The following GNAQ variants were observed in gnomAD, a reference collection of about 807,000 sequenced individuals.
The protein encoded by GNAQ is guanine nucleotide-binding protein G(q) subunit alpha.
GNAQ carries 8 observed loss-of-function variants against 43.9 expected under a neutral mutation model. The ratio of observed to expected loss-of-function variants is 0.18; its 90% CI spans 0.11 to 0.33. The LOEUF (loss-of-function observed/expected upper bound fraction) is 0.33. Ranked by LOEUF, GNAQ falls within the 10% of genes least tolerant of loss-of-function variation. The probability of loss-of-function intolerance (pLI) is 1.00; values close to 1 mark genes in which losing one functional copy is unlikely to be tolerated. For synonymous variants in GNAQ, 155 were observed against 170.7 expected (o/e 0.91, Z 0.71); for missense variants, 158 against 450.8 (o/e 0.35, Z 5.88).
chr9:77,871,133 C>T (rs1828034118), intron 2 of GNAQ, among the ~76,000 whole-genome samples: 1 of 152,172 alleles, frequency 6.6e-6, no homozygotes, highest in Non-Finnish European at 1.5e-5. Context: ...GTTAATTTAA[C>T]ATTTTTAAAG....
chr9:77,741,069 T>G (rs1167360634), intron 5 of GNAQ, among the ~76,000 whole-genome samples: 1 of 152,260 alleles, frequency 6.6e-6, no homozygotes, highest in Non-Finnish European at 1.5e-5. Context: ...TTACTTTGAT[T>G]TTTTTCAACC....
intron 2 of GNAQ, among the ~76,000 whole-genome samples, chr9:77,893,872 G>C (rs927012885): frequency 6.6e-6 from 1 of 152,124 alleles, no homozygotes; most frequent in Admixed American, 6.6e-5. Context: ...ATCCATTAGA[G>C]GTGAAGTCTG....
chr9:77,976,069 C>G (rs1823298114), intron 1 of GNAQ, among the ~76,000 whole-genome samples: 1 of 152,134 alleles, frequency 6.6e-6, no homozygotes, highest in Admixed American at 6.6e-5. Flanking sequence ...AGCTCCATGC[C>G]CAGTTTGAGG....
intron 5 of GNAQ, among the ~76,000 whole-genome samples, chr9:77,730,357 A>G (rs966320214): frequency 2.6e-5 from 4 of 152,214 alleles, no homozygotes; most frequent in African/African-American, 9.7e-5. Flanking sequence ...TTCACAGTGA[A>G]GAGTTACAAA....
intron 5 of GNAQ, among the ~76,000 whole-genome samples, chr9:77,775,939 TAAAAG>T (rs1242991435): frequency 4.0e-5 from 6 of 151,348 alleles, no homozygotes; most frequent in Non-Finnish European, 2.9e-5. Flanking sequence ...AAATAAAAAA[TAAAAG>T]AAAAGAAAAA....
At chr9:77,808,403 G>C (rs1185535754) in intron 3 of GNAQ, among the ~76,000 whole-genome samples, 1 of 149,592 alleles carries the variant, frequency 6.7e-6, no homozygotes, top group Admixed American at 6.8e-5. Flanking sequence ...TGGCCCACTA[G>C]ATAACAAAAC....
intron 1 of GNAQ, among the ~76,000 whole-genome samples, chr9:78,028,278 A>G (rs931947485): frequency 3.5e-4 from 54 of 152,288 alleles, no homozygotes; most frequent in Admixed American, 1.4e-3. Flanking sequence ...TTATAGTGGT[A>G]GATTTCAGGG....
intron 2 of GNAQ, among the ~76,000 whole-genome samples, chr9:77,912,948 C>A (rs1042594237): frequency 5.3e-5 from 8 of 152,222 alleles, no homozygotes; most frequent in African/African-American, 1.9e-4. Context: ...CCAGCCTGGG[C>A]AACATAGCTG....
At chr9:77,868,995 G>T in intron 2 of GNAQ, among the ~76,000 whole-genome samples, 1 of 147,334 alleles carries the variant, frequency 6.8e-6, no homozygotes, top group Non-Finnish European at 1.5e-5. Context: ...TTGCGGGGGA[G>T]GGGGGAAGAA....
Position 77,716,525 on chromosome 9 carries a change from T to C in GNAQ, c.*4798A>G, listed in dbSNP as rs977359224. On this transcript the variant is annotated 3_prime_UTR_variant, in exon 7 of 7. Transcript: ENST00000286548. ...GATGGGTGAGGAATCCAGCAAGGAG[T>C]TGCATTTAGAGAGTTCTTTGAGGAA... The C allele has an allele frequency of 1.7e-5, 4 of 232,666 alleles. No individual in the cohort carries two copies. The highest frequency in any genetic ancestry group is 8.8e-5 in the African/African-American group (4 of 45,262). 14.4% of individuals were successfully genotyped at this position (232,666 alleles called of 1,614,324 possible). A position where few individuals can be genotyped will look rare whatever the true frequency, so the allele number is the denominator to read the frequency against.
chr9:77,904,086 T>C (rs1304299028), intron 2 of GNAQ, among the ~76,000 whole-genome samples: 1 of 152,078 alleles, frequency 6.6e-6, no homozygotes, highest in African/African-American at 2.4e-5. Context: ...TTGCTGATCT[T>C]AGATAAAGCC....
At chr9:77,727,105 TGAGACA>T (rs1175710132) in intron 6 of GNAQ, among the ~76,000 whole-genome samples, 1 of 112,758 alleles carries the variant, frequency 8.9e-6, no homozygotes, top group Non-Finnish European at 2.0e-5. Flanking sequence ...TTTTTTTTTT[TGAGACA>T]GGGTCTCCCA....
At chr9:77,881,876 G>A (rs181825708) in intron 2 of GNAQ, among the ~76,000 whole-genome samples, 1 of 152,160 alleles carries the variant, frequency 6.6e-6, no homozygotes, top group East Asian at 1.9e-4. Flanking sequence ...GGTGGCCTAC[G>A]CCTATAATCC....
chr9:77,914,175 T>C (rs1400662917), intron 2 of GNAQ, among the ~76,000 whole-genome samples: 1 of 152,190 alleles, frequency 6.6e-6, no homozygotes, highest in Non-Finnish European at 1.5e-5. Flanking sequence ...CTAGGAAGTA[T>C]CTGCAAGATA....
chr9:77,810,741 A>C (rs533059207), intron 3 of GNAQ, among the ~76,000 whole-genome samples: 3 of 152,334 alleles, frequency 2.0e-5, no homozygotes, highest in Admixed American at 2.0e-4. Flanking sequence ...TATTTCATGA[A>C]ACAATCACTT....
chr9:77,890,173 GC>G (rs1828378463), intron 2 of GNAQ, among the ~76,000 whole-genome samples: 1 of 151,870 alleles, frequency 6.6e-6, no homozygotes, highest in Admixed American at 6.6e-5. Flanking sequence ...CAATGTAATT[GC>G]CGATTCGCAC....
intron 5 of GNAQ, among the ~76,000 whole-genome samples, chr9:77,767,951 G>T (rs1224526602): frequency 6.6e-6 from 1 of 152,026 alleles, no homozygotes; most frequent in African/African-American, 2.4e-5. Context: ...CAAATAAGTA[G>T]CAAATTATCA....
At position 77,988,943 on chromosome 9, in the gene GNAQ, G is replaced by A. The variant is rs182907993; in HGVS notation, c.136+42157C>T. Among the ~76,000 whole-genome samples the A allele has an allele frequency of 1.9e-3, 284 of 152,298 alleles. 2 individuals carry two copies. Among genetic ancestry groups the A allele is most frequent in the African/African-American group, 6.0e-3 (250 of 41,554 alleles). Reference sequence around the variant, plus strand: ...CTAAGATGATCAGAGATGAGTGTCAGCTATGGACTTAGAACTCCATTATTC... The same window carrying A: ...CTAAGATGATCAGAGATGAGTGTCAACTATGGACTTAGAACTCCATTATTC... On this transcript the variant is annotated intron_variant, in intron 1 of 6. Coordinates refer to ENST00000286548, the MANE Select transcript of GNAQ (RefSeq NM_002072.5).
Position 77,728,663 on chromosome 9 carries a change from C to T in GNAQ, c.740G>A (p.Arg247Gln), listed in dbSNP as rs2118218609. 2 of 1,520,720 alleles carry T rather than the reference C, an allele frequency of 1.3e-6. No homozygotes were observed. The highest frequency in any genetic ancestry group is 1.8e-6 in the Non-Finnish European group (2 of 1,129,254). The allele number at this position is 1,520,720 out of a possible 1,614,324, so 94.2% of individuals were successfully genotyped here. A position where few individuals can be genotyped will look rare whatever the true frequency, so the allele number is the denominator to read the frequency against. Reference protein sequence around the residue: ...QVLVESDNENRMEESKALFRT... With the variant: ...QVLVESDNENQMEESKALFRT... ...AAAGAGAGCCTTGCTTTCCTCCATT[C>T]GGTTCTGGAAAAAAAAAAAAAATCA... is the stretch of plus-strand genomic sequence containing the variant. The change falls in exon 6 of 7, where the codon CGA becomes CAA. Residue 247 changes from arginine (R) to glutamine (Q), a missense_variant. Arg to Gln is a conservative substitution (Grantham distance 43, BLOSUM62 1). This residue lies in a region of GNAQ where 56 missense variants were observed against 172.2 expected (regional missense o/e 0.33). Coordinates refer to ENST00000286548, the MANE Select transcript of GNAQ (RefSeq NM_002072.5).
Sources: gnomAD v4.1 joint callset for allele counts (sites outside exome capture counted in the v4.1 genomes callset) on GRCh38, gnomAD v4.1.1 for gene constraint, gnomAD v4.1.1 regional missense constraint, MANE v1.5 for transcripts, NCBI Gene and HGNC (gene_info 2026-07-23, HGNC 2026-07-21) for gene names.